The following ATXN7L1 variants were observed in gnomAD, a reference collection of about 807,000 sequenced individuals.
ATXN7L1 encodes the protein ataxin-7-like protein 1.
In ATXN7L1, 15 loss-of-function variants were observed where a neutral mutation model predicts 70.8. The ratio of observed to expected loss-of-function variants is 0.21; its 90% CI spans 0.14 to 0.33. ATXN7L1 has a LOEUF of 0.33. Among genes scored for constraint, ATXN7L1 ranks in the 10% least tolerant of loss-of-function variants. ATXN7L1 has a pLI of 1.00. For missense variants in ATXN7L1, 975 were observed against 1,097.1 expected (o/e 0.89, Z 1.57); for synonymous variants, 440 against 445.1 (o/e 0.99, Z 0.14).
intron 3 of ATXN7L1, among the ~76,000 whole-genome samples, chr7:105,775,887 T>C (rs1045860957): frequency 3.3e-5 from 5 of 152,168 alleles, no homozygotes; most frequent in Non-Finnish European, 7.4e-5. Context: ...CCAAGACCTC[T>C]TGGCGCTTTA....
chr7:105,739,789 C>CGCCTG (rs1015493001), intron 3 of ATXN7L1, among the ~76,000 whole-genome samples: 2 of 152,168 alleles, frequency 1.3e-5, no homozygotes, highest in Admixed American at 6.5e-5. Flanking sequence ...CTTGTGTAGC[C>CGCCTG]GCCTGGCCCT....
Position 105,776,062 on chromosome 7 carries a change from G to A in ATXN7L1, c.355+12542C>T, listed in dbSNP as rs555036435. Among the ~76,000 whole-genome samples, 24 of 152,270 alleles carry A rather than the reference G, an allele frequency of 1.6e-4. No homozygotes were observed. In the South Asian group the frequency reaches 4.4e-3, roughly 28 times the overall value. ...TATGGCTCAGGATAGGGAGAATTCC[G>A]AGATGACCTTTTGAATCAGCGCTGC... is the stretch of plus-strand genomic sequence containing the variant. On this transcript the variant is annotated intron_variant, in intron 3 of 11. Coordinates refer to ENST00000419735, the MANE Select transcript of ATXN7L1 (RefSeq NM_020725.2).
chr7:105,697,340 C>A (rs1021415011), intron 3 of ATXN7L1, among the ~76,000 whole-genome samples: 7 of 152,204 alleles, frequency 4.6e-5, no homozygotes, highest in Non-Finnish European at 5.9e-5. Context: ...GACCTACCCC[C>A]CTAGGTGCAC....
At chr7:105,691,065 C>T (rs1006721945) in intron 3 of ATXN7L1, among the ~76,000 whole-genome samples, 1 of 152,148 alleles carries the variant, frequency 6.6e-6, no homozygotes, top group Admixed American at 6.5e-5. Flanking sequence ...CAGTAACTTC[C>T]CTGTGTCTGT....
chr7:105,754,352 T>C (rs1031001360), intron 3 of ATXN7L1, among the ~76,000 whole-genome samples: 1 of 152,146 alleles, frequency 6.6e-6, no homozygotes, highest in Non-Finnish European at 1.5e-5. Flanking sequence ...AAGCTGTTTG[T>C]TAGTCTGGTC....
At chr7:105,722,191 C>T (rs543795601) in intron 3 of ATXN7L1, among the ~76,000 whole-genome samples, 1 of 152,258 alleles carries the variant, frequency 6.6e-6, no homozygotes, top group African/African-American at 2.4e-5. Context: ...TGAAGACAGG[C>T]TGAGGGCAGG....
intron 3 of ATXN7L1, among the ~76,000 whole-genome samples, chr7:105,690,571 CCTT>C (rs1415858133): frequency 3.9e-5 from 6 of 152,196 alleles, no homozygotes; most frequent in East Asian, 1.9e-4. Flanking sequence ...GTCGTCTTCT[CCTT>C]CTTTTGCGAT....
intron 2 of ATXN7L1, among the ~76,000 whole-genome samples, chr7:105,808,596 G>A (rs1225436975): frequency 1.3e-5 from 2 of 152,228 alleles, no homozygotes; most frequent in East Asian, 1.9e-4. Context: ...TGCCTAAGCA[G>A]AGAGAATTCC....
rs1792739823 is a variant in ATXN7L1, at chr7:105,605,760, G to A, written c.*2092C>T. 5 of 152,082 alleles carry A rather than the reference G, an allele frequency of 3.3e-5. No homozygotes were observed. The South Asian group carries it at 1.0e-3, about 32-fold the overall frequency. 9.4% of individuals were successfully genotyped at this position (152,082 alleles called of 1,614,324 possible). The stretch of plus-strand genomic sequence containing the variant: ...CTCTGAAACCGAACAAGACAAAATT[G>A]TGCAAAAATAACAAAGATATGTACA... On this transcript the variant is annotated 3_prime_UTR_variant, in exon 12 of 12. Transcript: ENST00000419735.
chr7:105,841,450 A>G (rs1813197873), intron 2 of ATXN7L1, among the ~76,000 whole-genome samples: 1 of 152,218 alleles, frequency 6.6e-6, no homozygotes, highest in South Asian at 2.1e-4. Context: ...CCAGAAGTAA[A>G]CAATTCATAG....
At chr7:105,853,696 G>A (rs1213754540) in intron 2 of ATXN7L1, among the ~76,000 whole-genome samples, 4 of 152,112 alleles carry the variant, frequency 2.6e-5, no homozygotes, top group South Asian at 2.1e-4. Context: ...CCTGGGAGGC[G>A]GAGGTTGCAG....
intron 3 of ATXN7L1, among the ~76,000 whole-genome samples, chr7:105,771,861 A>G (rs1412015697): frequency 6.6e-6 from 1 of 152,176 alleles, no homozygotes; most frequent in Non-Finnish European, 1.5e-5. Context: ...TGTGACCAAG[A>G]TACCAGGGGG....
chr7:105,835,858 T>C (rs905867304), intron 2 of ATXN7L1, among the ~76,000 whole-genome samples: 1 of 152,132 alleles, frequency 6.6e-6, no homozygotes, highest in South Asian at 2.1e-4. Context: ...AAAGAAACTT[T>C]CTTGGGAAGT....
At chr7:105,685,078 A>AT (rs1806009519) in intron 3 of ATXN7L1, among the ~76,000 whole-genome samples, 1 of 136,410 alleles carries the variant, frequency 7.3e-6, no homozygotes, top group African/African-American at 2.6e-5. Flanking sequence ...AATAATAATA[A>AT]TAATAATAAA....
At chr7:105,864,596 A>G (rs1817128909) in intron 2 of ATXN7L1, among the ~76,000 whole-genome samples, 1 of 151,834 alleles carries the variant, frequency 6.6e-6, no homozygotes, top group South Asian at 2.1e-4. Flanking sequence ...TCCAGAATGA[A>G]CACACTTTGC....
At chr7:105,806,553 C>T (rs1807641690) in intron 2 of ATXN7L1, among the ~76,000 whole-genome samples, 1 of 152,038 alleles carries the variant, frequency 6.6e-6, no homozygotes, top group Admixed American at 6.5e-5. Flanking sequence ...CAAGCTGGGG[C>T]CAGAGAGACA....
At chr7:105,756,221 T>G (rs1467585505) in intron 3 of ATXN7L1, among the ~76,000 whole-genome samples, 3 of 152,012 alleles carry the variant, frequency 2.0e-5, no homozygotes, top group Non-Finnish European at 2.9e-5. Context: ...TATGTCCAAA[T>G]GCACTCATTT....
chr7:105,792,255 G>A (rs1212030001), intron 2 of ATXN7L1, among the ~76,000 whole-genome samples: 3 of 152,170 alleles, frequency 2.0e-5, no homozygotes, highest in Admixed American at 1.3e-4. Context: ...AACCTTGTAC[G>A]TGTCTGATCT....
At position 105,624,112 on chromosome 7, in the gene ATXN7L1, T is replaced by A. The variant is rs779362662; in HGVS notation, c.1358A>T (p.Asp453Val). 1 of 1,514,498 alleles carries A rather than the reference T, an allele frequency of 6.6e-7. No homozygotes were observed. Among genetic ancestry groups the A allele is most frequent in the South Asian group, 1.3e-5 (1 of 79,374 alleles). The allele number at this position is 1,514,498 out of a possible 1,614,324, so 93.8% of individuals were successfully genotyped here. A position where few individuals can be genotyped will look rare whatever the true frequency, so the allele number is the denominator to read the frequency against. ...MDGADESEKL[D>V]CQFSTHHPRP... The stretch of plus-strand genomic sequence containing the variant: ...GGGGTGGTGCGTGGAGAACTGACAG[T>A]CTAGCTTCTCGGATTCGTCGGCTCC... Residue 453 changes from aspartate to valine, a missense_variant, in exon 8 of 12, where the codon GAC (aspartate) becomes GTC (valine). This residue lies in a region of ATXN7L1 where 635 missense variants were observed against 699.4 expected (regional missense o/e 0.91). Transcript: ENST00000419735.
Sources: gnomAD v4.1 joint callset for allele counts (sites outside exome capture counted in the v4.1 genomes callset) on GRCh38, gnomAD v4.1.1 for gene constraint, gnomAD v4.1.1 regional missense constraint, MANE v1.5 for transcripts, NCBI Gene and HGNC (gene_info 2026-07-23, HGNC 2026-07-21) for gene names.